SULF1: variants seen among roughly 807,000 people sequenced by gnomAD.
The protein encoded by SULF1 is extracellular sulfatase Sulf-1.
A neutral mutation model predicts 110.5 loss-of-function variants in SULF1; 46 were observed. The ratio of observed to expected loss-of-function variants is 0.42; its 90% CI spans 0.33 to 0.53. The LOEUF is 0.53. SULF1 is among the 20% of genes least tolerant of loss of function. The probability of loss-of-function intolerance (pLI) is 0.12; values close to 1 mark genes in which losing one functional copy is unlikely to be tolerated. For synonymous variants in SULF1, 371 were observed against 387.1 expected (o/e 0.96, Z 0.49); for missense variants, 941 against 1,094.2 (o/e 0.86, Z 1.98).
At chr8:69,579,197 A>G (rs1440862449) in intron 6 of SULF1, among the ~76,000 whole-genome samples, 2 of 150,220 alleles carry the variant, frequency 1.3e-5, no homozygotes, top group African/African-American at 2.5e-5. Flanking sequence ...AAAAACCAGT[A>G]GGAAAAGGAT....
chr8:69,575,928 G>T, intron 5 of SULF1, 42 bp from the exon 6 acceptor site: 1 of 1,602,730 alleles, frequency 6.2e-7, no homozygotes. Flanking sequence ...AGGCATTCAT[G>T]TGCTGCACTT....
Position 69,600,586 on chromosome 8 carries a change from T to C in SULF1, c.735-17T>C. The C allele has an allele frequency of 1.3e-6, 2 of 1,593,092 alleles. No homozygotes were observed. Among genetic ancestry groups the C allele is most frequent in the Non-Finnish European group, 8.6e-7 (1 of 1,167,256 alleles). On this transcript the variant is annotated splice_polypyrimidine_tract_variant and intron_variant, in intron 8 of 22. Transcript: ENST00000402687. ...AGTAAGAAATATATAGTAAGATTCC[T>C]TTCTGGATATTTTCAGAACTCCTAG...
chr8:69,550,806 G>T (rs1277731368), intron 3 of SULF1, among the ~76,000 whole-genome samples: 1 of 152,178 alleles, frequency 6.6e-6, no homozygotes, highest in Non-Finnish European at 1.5e-5. Context: ...CATTTGGAAA[G>T]TTGCAAACAT....
chr8:69,607,554 G>T (rs1403295969), intron 13 of SULF1, among the ~76,000 whole-genome samples: 1 of 152,068 alleles, frequency 6.6e-6, no homozygotes, highest in Non-Finnish European at 1.5e-5. Flanking sequence ...TTTAGAGATG[G>T]GGTTTTGCCA....
intron 22 of SULF1, among the ~76,000 whole-genome samples, chr8:69,644,690 GGC>G (rs908354924): frequency 3.3e-5 from 5 of 151,354 alleles, no homozygotes; most frequent in Non-Finnish European, 7.4e-5. Context: ...GAACCCGGGA[GGC>G]GGAGCTTGCA....
At chr8:69,502,597 G>A (rs1810880869) in intron 3 of SULF1, among the ~76,000 whole-genome samples, 1 of 151,500 alleles carries the variant, frequency 6.6e-6, no homozygotes, top group African/African-American at 2.4e-5. Context: ...CTAATGCAAT[G>A]AAAATGTTCA....
In SULF1 at chr8:69,522,460, C is replaced by T. The variant is rs1445258318; in HGVS notation, c.-134+20492C>T. On this transcript the variant is annotated intron_variant, in intron 3 of 22. Coordinates refer to ENST00000402687, the MANE Select transcript of SULF1 (RefSeq NM_001128205.2). ...GGGAGATAGATAAAGAGTTCAGTTTCGGAAGTTGAGTTTGAGATGTCTGTT... is the reference window on the plus strand; with the variant it reads ...GGGAGATAGATAAAGAGTTCAGTTTTGGAAGTTGAGTTTGAGATGTCTGTT... Among the ~76,000 whole-genome samples, 6 of 152,208 alleles carry T rather than the reference C, an allele frequency of 3.9e-5. No individual in the cohort carries two copies. The East Asian group carries it at 1.2e-3, about 29-fold the overall frequency.
intron 3 of SULF1, among the ~76,000 whole-genome samples, chr8:69,539,735 G>A (rs568036631): frequency 6.6e-6 from 1 of 152,302 alleles, no homozygotes; most frequent in South Asian, 2.1e-4. Context: ...AAGTAAGTGT[G>A]TTCATGGCAG....
chr8:69,549,927 G>A (rs545187037), intron 3 of SULF1, among the ~76,000 whole-genome samples: 54 of 152,060 alleles, frequency 3.6e-4, no homozygotes, highest in African/African-American at 1.2e-3. Context: ...TTGTTTTACT[G>A]AGTTCTGAGG....
intron 5 of SULF1, among the ~76,000 whole-genome samples, chr8:69,569,150 G>C (rs1184993626): frequency 1.3e-5 from 2 of 152,052 alleles, no homozygotes; most frequent in African/African-American, 2.4e-5. Context: ...CTAGGAAATT[G>C]ACCTGACAGG....
chr8:69,652,277 T>C (rs1023057879), intron 22 of SULF1, among the ~76,000 whole-genome samples: 8 of 152,210 alleles, frequency 5.3e-5, no homozygotes, highest in Non-Finnish European at 1.0e-4. Flanking sequence ...AGAGTCCCTT[T>C]GGCCAGGTAA....
intron 15 of SULF1, among the ~76,000 whole-genome samples, chr8:69,626,369 TAGAC>T (rs1414115266): frequency 6.6e-6 from 1 of 152,196 alleles, no homozygotes. Context: ...ATCCCTGAGC[TAGAC>T]ATAAAGACTC....
chr8:69,592,928 G>T, intron 8 of SULF1: 1 of 987,422 alleles, frequency 1.0e-6, no homozygotes, highest in Non-Finnish European at 1.2e-6. Flanking sequence ...GGAACAGACA[G>T]GGTAAGGACC....
At chr8:69,634,023 A>G (rs1485255022) in intron 19 of SULF1, among the ~76,000 whole-genome samples, 5 of 152,246 alleles carry the variant, frequency 3.3e-5, no homozygotes, top group African/African-American at 7.2e-5. Context: ...AAATGTTCAC[A>G]TATAAATAAT....
chr8:69,547,483 G>C (rs1400339844), intron 3 of SULF1, among the ~76,000 whole-genome samples: 1 of 152,188 alleles, frequency 6.6e-6, no homozygotes, highest in Non-Finnish European at 1.5e-5. Flanking sequence ...GGAAATAGTT[G>C]TGCACTAACC....
chr8:69,635,486 T>G (rs1034040762), intron 19 of SULF1, among the ~76,000 whole-genome samples: 1 of 152,218 alleles, frequency 6.6e-6, no homozygotes, highest in African/African-American at 2.4e-5. Flanking sequence ...TTAAAATCAT[T>G]TCTCATTCAT....
At chr8:69,618,581 C>T (rs981963710) in intron 13 of SULF1, among the ~76,000 whole-genome samples, 2 of 152,100 alleles carry the variant, frequency 1.3e-5, no homozygotes, top group African/African-American at 2.4e-5. Flanking sequence ...AGGGATGACT[C>T]GTTAGTCGCC....
upstream of SULF1, among the ~76,000 whole-genome samples, chr8:69,489,957 G>A (rs1378516203): frequency 1.3e-5 from 2 of 152,038 alleles, no homozygotes; most frequent in Non-Finnish European, 1.5e-5. Context: ...GACAAAACTT[G>A]AGATGTTCAG....
At chr8:69,586,237 C>T (rs1346487179) in intron 6 of SULF1, 120 bp from the exon 7 acceptor site, 2 of 1,029,110 alleles carry the variant, frequency 1.9e-6, no homozygotes, top group African/African-American at 3.3e-5. Context: ...TTGGCATTCA[C>T]TATTACCTAG....
Sources: gnomAD v4.1 joint callset for allele counts (sites outside exome capture counted in the v4.1 genomes callset) on GRCh38, gnomAD v4.1.1 for gene constraint, MANE v1.5 for transcripts, NCBI Gene and HGNC (gene_info 2026-07-23, HGNC 2026-07-21) for gene names.